EYS: variants seen among roughly 807,000 people sequenced by gnomAD.
EYS encodes the protein protein eyes shut homolog.
Under a neutral mutation model 282.1 loss-of-function variants are expected in EYS, and 250 were observed. That is an observed-to-expected ratio of 0.89 (90% CI 0.80 to 0.98). EYS has a LOEUF of 0.98. Ranked by LOEUF, EYS falls within the 50% of genes least tolerant of loss-of-function variation. EYS has a pLI of 0.00. For missense variants in EYS, 4,016 were observed against 3,709.0 expected, an observed-to-expected ratio of 1.08 and a Z score of -2.15; for synonymous variants, 1,355 against 1,282.9, an observed-to-expected ratio of 1.06 and a Z score of -1.20.
chr6:65,459,266 G>A (rs1764733492), intron 5 of EYS, among the ~76,000 whole-genome samples: 1 of 151,880 alleles, frequency 6.6e-6, no homozygotes, highest in South Asian at 2.1e-4. Context: ...CAGAGACTGG[G>A]GATATTCAAT....
At chr6:64,060,437 T>G (rs2149850827) in intron 33 of EYS, among the ~76,000 whole-genome samples, 1 of 152,290 alleles carries the variant, frequency 6.6e-6, no homozygotes, top group Admixed American at 6.5e-5. Flanking sequence ...CAGAGGTGTC[T>G]GAGAGCCTTT....
At chr6:64,734,444 T>G (rs1369265974) in intron 22 of EYS, among the ~76,000 whole-genome samples, 1 of 152,198 alleles carries the variant, frequency 6.6e-6, no homozygotes, top group Non-Finnish European at 1.5e-5. Flanking sequence ...AGTTTGCAAG[T>G]GTTTTGATGT....
chr6:63,874,128 G>A (rs185351410), intron 35 of EYS, among the ~76,000 whole-genome samples: 81 of 152,296 alleles, frequency 5.3e-4, no homozygotes, highest in African/African-American at 1.4e-3. Context: ...ATGGTTTTAG[G>A]CCTAACATTT....
intron 2 of EYS, among the ~76,000 whole-genome samples, chr6:65,512,616 G>C (rs150784081): frequency 2.0e-5 from 3 of 150,854 alleles, no homozygotes; most frequent in Admixed American, 6.6e-5. Context: ...AATCAAACTA[G>C]AACTCAGGAT....
At chr6:65,191,373 A>G (rs60579257) in intron 12 of EYS, among the ~76,000 whole-genome samples, 35,400 of 151,774 alleles carry the variant, frequency 0.23, 4,297 homozygotes, top group African/African-American at 0.27. Context: ...GCAAAAGAAC[A>G]AAAAATGGAA....
chr6:64,095,022 A>T (rs2150254558), intron 31 of EYS, among the ~76,000 whole-genome samples: 1 of 152,282 alleles, frequency 6.6e-6, no homozygotes, highest in South Asian at 2.1e-4. Flanking sequence ...CCCAGTAGTC[A>T]TTCAGGAGCA....
intron 30 of EYS, among the ~76,000 whole-genome samples, chr6:64,294,408 G>T (rs906195053): frequency 6.6e-6 from 1 of 152,226 alleles, no homozygotes; most frequent in African/African-American, 2.4e-5. Flanking sequence ...AATTTGTGGT[G>T]ATAGTCACCT....
At chr6:64,185,038 G>C (rs2150313568) in intron 31 of EYS, among the ~76,000 whole-genome samples, 1 of 152,186 alleles carries the variant, frequency 6.6e-6, no homozygotes, top group African/African-American at 2.4e-5. Context: ...AGAGGCTGTA[G>C]AGAGCTAGCT....
At chr6:64,758,910 C>G (rs1773066595) in intron 22 of EYS, among the ~76,000 whole-genome samples, 1 of 152,000 alleles carries the variant, frequency 6.6e-6, no homozygotes, top group African/African-American at 2.4e-5. Flanking sequence ...AGGCCGAGGT[C>G]GGCGGATCAC....
intron 26 of EYS, among the ~76,000 whole-genome samples, chr6:64,579,129 AG>A (rs1292431855): frequency 3.9e-5 from 6 of 152,088 alleles, no homozygotes; most frequent in Non-Finnish European, 8.8e-5. Context: ...AATGTGTCTC[AG>A]GTCTTTATTC....
chr6:64,798,830 CAT>C (rs35029909), intron 22 of EYS, among the ~76,000 whole-genome samples: 2,414 of 151,806 alleles, frequency 0.016, 72 homozygotes, highest in African/African-American at 0.055. Context: ...GTAAAGTAGT[CAT>C]AATAGACTTT....
chr6:65,443,405 C>T (rs900668982), intron 5 of EYS, among the ~76,000 whole-genome samples: 2 of 145,692 alleles, frequency 1.4e-5, no homozygotes, highest in Admixed American at 7.0e-5. Context: ...CATGTATGTA[C>T]ACATATAGCC....
At chr6:65,522,611 G>C (rs1211562656) in intron 2 of EYS, among the ~76,000 whole-genome samples, 1 of 152,044 alleles carries the variant, frequency 6.6e-6, no homozygotes, top group Non-Finnish European at 1.5e-5. Flanking sequence ...ACACATAAAA[G>C]CATAAATACT....
At chr6:64,888,779 T>C (rs979285683) in intron 18 of EYS, among the ~76,000 whole-genome samples, 3 of 152,056 alleles carry the variant, frequency 2.0e-5, no homozygotes, top group Non-Finnish European at 4.4e-5. Context: ...AATCAAGATA[T>C]GTTTGTTAAT....
At chr6:65,075,061 A>G (rs1232947847) in intron 12 of EYS, among the ~76,000 whole-genome samples, 1 of 152,062 alleles carries the variant, frequency 6.6e-6, no homozygotes, top group Non-Finnish European at 1.5e-5. Flanking sequence ...TAATTTTCAT[A>G]TCATGTTGTG....
At chr6:65,256,246 A>G (rs1767457641) in intron 12 of EYS, among the ~76,000 whole-genome samples, 1 of 151,632 alleles carries the variant, frequency 6.6e-6, no homozygotes, top group Admixed American at 6.6e-5. Context: ...TAAGCCAGGA[A>G]CAGAAAGACA....
chr6:64,429,643 C>G (rs551421738), intron 28 of EYS, among the ~76,000 whole-genome samples: 1 of 152,184 alleles, frequency 6.6e-6, no homozygotes. Context: ...GACCCTGTCT[C>G]AAAGAAAAAC....
At chr6:65,333,114 T>G (rs1769855354) in intron 11 of EYS, among the ~76,000 whole-genome samples, 1 of 151,542 alleles carries the variant, frequency 6.6e-6, no homozygotes, top group East Asian at 1.9e-4. Flanking sequence ...TCTACTTATT[T>G]TATTTAGGTT....
intron 26 of EYS, among the ~76,000 whole-genome samples, chr6:64,490,168 G>A (rs913512963): frequency 6.6e-6 from 1 of 150,760 alleles, no homozygotes; most frequent in Non-Finnish European, 1.5e-5. Flanking sequence ...GGTTCAGACC[G>A]AATTGCAATG....
Sources: gnomAD v4.1 joint callset for allele counts (sites outside exome capture counted in the v4.1 genomes callset) on GRCh38, gnomAD v4.1.1 for gene constraint, MANE v1.5 for transcripts, NCBI Gene and HGNC (gene_info 2026-07-23, HGNC 2026-07-21) for gene names.